Variants in LRP1B observed in about 807,000 individuals in gnomAD.
LRP1B encodes the protein LDL receptor related protein 1B.
In LRP1B, 217 loss-of-function variants were observed where a neutral mutation model predicts 556.6. That is an observed-to-expected ratio of 0.39 (90% confidence interval 0.35 to 0.44). The LOEUF (loss-of-function observed/expected upper bound fraction) is 0.44. Among genes scored for constraint, LRP1B ranks in the 20% least tolerant of loss-of-function variants. The pLI, the probability that LRP1B is intolerant of heterozygous loss-of-function variation, is 1.00. For missense variants in LRP1B, 5,053 were observed against 5,620.8 expected (o/e 0.90, Z 3.23); for synonymous variants, 2,047 against 1,865.8 (o/e 1.10, Z -2.50).
intron 49 of LRP1B, among the ~76,000 whole-genome samples, chr2:140,522,964 A>G (rs898440117): frequency 2.6e-5 from 4 of 152,046 alleles, no homozygotes; most frequent in African/African-American, 7.2e-5. Flanking sequence ...AGATGTACAA[A>G]GAAGAGCTGA....
At position 140,691,349 on chromosome 2, in the gene LRP1B, T is replaced by C. The variant is rs190141534; in HGVS notation, c.6799+8901A>G. 3.3e-5 allele frequency among the ~76,000 whole-genome samples: 5 copies of C among 152,138 alleles called. No individual in the cohort carries two copies. In the East Asian group the frequency reaches 9.8e-4, roughly 30 times the overall value. ...AGTCAGGCGTGGAGGCACATGCCTA[T>C]AATCCCAGCTACTTGGAAGGCTGAG... On this transcript the variant is annotated intron_variant, in intron 41 of 90. Coordinates refer to ENST00000389484, the MANE Select transcript of LRP1B (RefSeq NM_018557.3).
At chr2:140,558,702 G>A (rs1183394721) in intron 43 of LRP1B, among the ~76,000 whole-genome samples, 2 of 152,060 alleles carry the variant, frequency 1.3e-5, no homozygotes, top group Admixed American at 6.6e-5. Flanking sequence ...ACTTTAGGAG[G>A]CCAAGGCGAG....
intron 18 of LRP1B, among the ~76,000 whole-genome samples, chr2:140,972,328 C>G (rs1187726705): frequency 1.3e-5 from 2 of 151,984 alleles, no homozygotes; most frequent in African/African-American, 4.8e-5. Context: ...AGGACATAAG[C>G]ACGAAAAAGA....
intron 2 of LRP1B, among the ~76,000 whole-genome samples, chr2:141,631,589 GC>G (rs1288746895): frequency 1.3e-5 from 2 of 150,690 alleles, no homozygotes; most frequent in Admixed American, 6.6e-5. Flanking sequence ...ATCAGAAGGG[GC>G]CTGGTTTACC....
At chr2:141,192,223 A>G (rs905240338) in intron 6 of LRP1B, among the ~76,000 whole-genome samples, 1 of 151,970 alleles carries the variant, frequency 6.6e-6, no homozygotes, top group Non-Finnish European at 1.5e-5. Flanking sequence ...CAATACATAA[A>G]TGCATTAGAT....
At chr2:140,626,078 T>A (rs1311669890) in intron 41 of LRP1B, among the ~76,000 whole-genome samples, 3 of 152,142 alleles carry the variant, frequency 2.0e-5, no homozygotes, top group Non-Finnish European at 4.4e-5. Flanking sequence ...TGAAAAGACA[T>A]AGAGAAAACT....
chr2:140,249,623 T>C (rs1267744412), intron 86 of LRP1B, among the ~76,000 whole-genome samples: 4 of 151,866 alleles, frequency 2.6e-5, no homozygotes, highest in Non-Finnish European at 5.9e-5. Context: ...ATTCTCCTTA[T>C]ACTCCTTATA....
intron 2 of LRP1B, among the ~76,000 whole-genome samples, chr2:141,726,929 T>C (rs551723989): frequency 3.9e-5 from 6 of 152,260 alleles, no homozygotes; most frequent in African/African-American, 1.4e-4. Context: ...AACTAGCATG[T>C]ATTCTAATTT....
intron 2 of LRP1B, among the ~76,000 whole-genome samples, chr2:141,484,025 T>G (rs2105097277): frequency 6.6e-6 from 1 of 152,316 alleles, no homozygotes; most frequent in African/African-American, 2.4e-5. Flanking sequence ...GTTGTAGACA[T>G]GAAGTCCTTG....
intron 2 of LRP1B, among the ~76,000 whole-genome samples, chr2:141,777,308 A>G (rs1695109732): frequency 6.6e-6 from 1 of 152,250 alleles, no homozygotes; most frequent in Non-Finnish European, 1.5e-5. Context: ...GCTATGAAAT[A>G]TGTTATGCCA....
chr2:141,202,956 A>G (rs963535670), intron 6 of LRP1B, among the ~76,000 whole-genome samples: 3 of 152,032 alleles, frequency 2.0e-5, no homozygotes, highest in African/African-American at 7.3e-5. Flanking sequence ...TCAACTCCCA[A>G]TTATGAGTGA....
intron 3 of LRP1B, among the ~76,000 whole-genome samples, chr2:141,302,138 G>A (rs1043465246): frequency 6.6e-6 from 1 of 152,044 alleles, no homozygotes; most frequent in African/African-American, 2.4e-5. Flanking sequence ...ATTAACTGTA[G>A]CATTCTCTTA....
At chr2:141,710,667 T>C (rs1692324012) in intron 2 of LRP1B, among the ~76,000 whole-genome samples, 1 of 152,174 alleles carries the variant, frequency 6.6e-6, no homozygotes, top group Non-Finnish European at 1.5e-5. Context: ...TTGAAACTAC[T>C]GAAATTCAGA....
At chr2:141,746,715 A>G (rs1258230416) in intron 2 of LRP1B, among the ~76,000 whole-genome samples, 1 of 152,160 alleles carries the variant, frequency 6.6e-6, no homozygotes, top group Non-Finnish European at 1.5e-5. Flanking sequence ...GGCATGGGAT[A>G]GGCCATCTTG....
At chr2:141,913,557 G>C (rs1003486082) in intron 1 of LRP1B, among the ~76,000 whole-genome samples, 1 of 152,052 alleles carries the variant, frequency 6.6e-6, no homozygotes, top group African/African-American at 2.4e-5. Context: ...GGTCCCTGGA[G>C]TTTCTTCCTA....
chr2:141,813,021 G>A (rs564253492), intron 1 of LRP1B, among the ~76,000 whole-genome samples: 19 of 152,096 alleles, frequency 1.2e-4, no homozygotes, highest in African/African-American at 3.1e-4. Context: ...AATAACAGAC[G>A]AATAAATAGT....
At chr2:140,503,164 C>G (rs2104897033) in intron 53 of LRP1B, 61 bp from the exon 54 acceptor site, 1 of 1,453,810 alleles carries the variant, frequency 6.9e-7, no homozygotes, top group East Asian at 2.3e-5. Context: ...GAAACGTCAT[C>G]TCCTCAATGT....
chr2:141,021,018 G>A (rs868260426), intron 11 of LRP1B, among the ~76,000 whole-genome samples: 5 of 152,038 alleles, frequency 3.3e-5, no homozygotes, highest in Admixed American at 6.6e-5. Flanking sequence ...CCATTCTTCT[G>A]TTGCATGAAA....
At position 141,108,334 on chromosome 2, in the gene LRP1B, C is replaced by CTTTTTTTTTT. The variant is rs60275697; in HGVS notation, c.1014-46071_1014-46062dup. 1.2e-3 allele frequency among the ~76,000 whole-genome samples: 103 copies of CTTTTTTTTTT among 88,496 alleles called. 5 individuals carry two copies. Among genetic ancestry groups the CTTTTTTTTTT allele is most frequent in the African/African-American group, 1.6e-3 (34 of 20,722 alleles). The allele number at this position is 88,496 out of a possible 152,430, so 58.1% of individuals were successfully genotyped here. On this transcript the variant is annotated intron_variant, in intron 7 of 90. Transcript: ENST00000389484. ...ACAAAAATATGTTTATAATCTGTTT[C>CTTTTTTTTTT]TTTTTTTTTTTTTTTTTTTTTTTTT...
Sources: allele counts gnomAD v4.1 joint callset (sites outside exome capture counted in the v4.1 genomes callset), GRCh38; gene constraint gnomAD v4.1.1; transcripts MANE v1.5; gene names NCBI Gene and HGNC (gene_info 2026-07-23, HGNC 2026-07-21).